ABCA9: variants seen among roughly 807,000 people sequenced by gnomAD.
The protein encoded by ABCA9 is ATP-binding cassette sub-family A member 9.
ABCA9 carries 183 observed loss-of-function variants against 205.3 expected under a neutral mutation model. The ratio of observed to expected loss-of-function variants is 0.89; its 90% CI spans 0.79 to 1.01. The LOEUF (loss-of-function observed/expected upper bound fraction) is 1.01, where lower values mean the gene tolerates loss of function less well. Among genes scored for constraint, ABCA9 ranks in the 50% least tolerant of loss-of-function variants. The pLI, the probability that ABCA9 is intolerant of heterozygous loss-of-function variation, is 0.00. For missense variants in ABCA9, 1,805 were observed against 1,912.4 expected (o/e 0.94, Z 1.05); for synonymous variants, 651 against 683.3 (o/e 0.95, Z 0.74).
upstream of ABCA9, among the ~76,000 whole-genome samples, chr17:69,065,479 T>G (rs1006972555): frequency 6.6e-6 from 1 of 152,200 alleles, no homozygotes; most frequent in African/African-American, 2.4e-5. Context: ...AATTTTTTTT[T>G]TAATTATCTG....
At chr17:68,996,527 A>G (rs772866195) in intron 25 of ABCA9, among the ~76,000 whole-genome samples, 8 of 152,186 alleles carry the variant, frequency 5.3e-5, no homozygotes, top group Non-Finnish European at 1.0e-4. Context: ...GGAAGGAGAG[A>G]TTCTGAAAAG....
chr17:68,996,831 G>GT (rs2069641784), intron 25 of ABCA9, among the ~76,000 whole-genome samples: 1 of 152,092 alleles, frequency 6.6e-6, no homozygotes, highest in African/African-American at 2.4e-5. Flanking sequence ...GAACTATATG[G>GT]TCTTTACTTG....
At chr17:69,033,905 G>T (rs777481031) in intron 8 of ABCA9, 32 bp from the exon 9 acceptor site, 1 of 1,478,416 alleles carries the variant, frequency 6.8e-7, no homozygotes, top group Non-Finnish European at 9.3e-7. Flanking sequence ...AATTTTAAAA[G>T]AATTAATATG....
chr17:69,020,775 T>C, intron 18 of ABCA9, 189 bp from the exon 19 acceptor site: 1 of 513,648 alleles, frequency 1.9e-6, no homozygotes, highest in Non-Finnish European at 3.4e-6. Flanking sequence ...ATTGATATAA[T>C]AAAAGAAAAT....
chr17:68,986,055 C>G (rs2069226857), intron 32 of ABCA9, 109 bp downstream of exon 32: 1 of 1,118,086 alleles, frequency 8.9e-7, no homozygotes. Context: ...CAAATCTTCT[C>G]CCACAAGCAT....
At chr17:68,996,455 A>C (rs1344344522) in intron 25 of ABCA9, among the ~76,000 whole-genome samples, 1 of 152,136 alleles carries the variant, frequency 6.6e-6, no homozygotes, top group African/African-American at 2.4e-5. Flanking sequence ...ACATGTTTTT[A>C]ATTTTTCTGC....
intron 10 of ABCA9, 47 bp downstream of exon 10, chr17:69,032,061 G>C (rs1482920613): frequency 1.3e-6 from 2 of 1,548,356 alleles, no homozygotes; most frequent in African/African-American, 1.4e-5. Context: ...CAGATCCCCA[G>C]TCTCTGCCTG....
At chr17:68,992,354 T>C in intron 27 of ABCA9, 88 bp from the exon 28 acceptor site, 1 of 889,794 alleles carries the variant, frequency 1.1e-6, no homozygotes, top group Non-Finnish European at 1.6e-6. Context: ...TTTGATTATA[T>C]AAAAATTCGA....
chr17:69,054,157 T>C (rs1316263263), intron 1 of ABCA9, among the ~76,000 whole-genome samples: 1 of 152,196 alleles, frequency 6.6e-6, no homozygotes, highest in Non-Finnish European at 1.5e-5. Flanking sequence ...AGAGAATTTG[T>C]TGCCAGTAGA....
intron 9 of ABCA9, chr17:69,033,452 C>T (rs1260085415): frequency 4.5e-6 from 1 of 223,886 alleles, no homozygotes; most frequent in Admixed American, 5.8e-5. Flanking sequence ...GTATCAAGCA[C>T]CAGCATTCTT....
chr17:69,077,358 G>C, the ABCA9 span, among the ~76,000 whole-genome samples: 2 of 151,918 alleles, frequency 1.3e-5, no homozygotes, highest in African/African-American at 4.8e-5. Context: ...ATTCTTCTGT[G>C]GTCTGAGAGT....
At chr17:69,003,706 A>G (rs2069983449) in intron 25 of ABCA9, among the ~76,000 whole-genome samples, 1 of 151,598 alleles carries the variant, frequency 6.6e-6, no homozygotes, top group Non-Finnish European at 1.5e-5. Flanking sequence ...ACTATCCTGC[A>G]GAGTGTTTTC....
chr17:68,988,947 A>T, intron 31 of ABCA9, 80 bp downstream of exon 31: 1 of 831,696 alleles, frequency 1.2e-6, no homozygotes, highest in South Asian at 1.7e-5. Flanking sequence ...GTGATTATGG[A>T]TCAACTACAT....
chr17:69,012,190 G>C (rs1054900703), intron 22 of ABCA9, 107 bp from the exon 23 acceptor site: 1 of 767,548 alleles, frequency 1.3e-6, no homozygotes, highest in Non-Finnish European at 2.0e-6. Flanking sequence ...ATCACTCAAA[G>C]TGCTTCTCAA....
intron 6 of ABCA9, among the ~76,000 whole-genome samples, chr17:69,039,310 A>C (rs1268848010): frequency 6.6e-6 from 1 of 152,190 alleles, no homozygotes; most frequent in African/African-American, 2.4e-5. Context: ...TTGACTTCAA[A>C]CTGTACTGAA....
rs187290835 is a variant in ABCA9 at position 69,060,847 on chromosome 17, A to G, written c.-14+19T>C. 99 of 985,096 alleles carry G rather than the reference A, an allele frequency of 1.0e-4. No individual in the cohort carries two copies. In the East Asian group the frequency reaches 4.8e-3, roughly 47 times the overall value. The allele number at this position is 985,096 out of a possible 1,614,324, so 61.0% of individuals were successfully genotyped here. A position where few individuals can be genotyped will look rare whatever the true frequency, so the allele number is the denominator to read the frequency against. ...TATTTCTATATGCAAAATAACCACA[A>G]TTTTAGAGGTTAACTTACTCTCAGG... On this transcript the variant is annotated intron_variant, in intron 1 of 38. Transcript: ENST00000340001.
At chr17:69,076,252 C>T in the ABCA9 span, among the ~76,000 whole-genome samples, 3 of 152,112 alleles carry the variant, frequency 2.0e-5, no homozygotes, top group African/African-American at 7.2e-5. Flanking sequence ...TAATCATAGG[C>T]TTTTCCCACA....
At chr17:69,005,556 A>G (rs997236649) in intron 25 of ABCA9, among the ~76,000 whole-genome samples, 1 of 152,150 alleles carries the variant, frequency 6.6e-6, no homozygotes, top group Non-Finnish European at 1.5e-5. Flanking sequence ...TTCCTCATCA[A>G]AATTGCTTGT....
At chr17:69,068,887 A>T in the ABCA9 span, among the ~76,000 whole-genome samples, 9 of 152,224 alleles carry the variant, frequency 5.9e-5, no homozygotes, top group Admixed American at 2.0e-4. Flanking sequence ...AACAGCAGTT[A>T]TATGGGAGGA....
Sources: gnomAD v4.1 joint callset for allele counts (sites outside exome capture counted in the v4.1 genomes callset) on GRCh38, gnomAD v4.1.1 for gene constraint, MANE v1.5 for transcripts, NCBI Gene and HGNC (gene_info 2026-07-23, HGNC 2026-07-21) for gene names.